Variants in MOK observed in about 807,000 individuals in gnomAD.
MOK encodes MAPK/MAK/MRK overlapping kinase.
MOK carries 59 observed loss-of-function variants against 54.2 expected under a neutral mutation model. That is an observed-to-expected ratio of 1.09 (90% CI 0.88 to 1.35). MOK has a LOEUF of 1.35. MOK is among the 40% of genes most tolerant of loss of function. The pLI, the probability that MOK is intolerant of heterozygous loss-of-function variation, is 0.00. For synonymous variants in MOK, 210 were observed against 202.7 expected (o/e 1.04, Z -0.31); for missense variants, 517 against 526.2 (o/e 0.98, Z 0.17).
the MOK span, chr14:102,214,731 G>A: frequency 1.0e-6 from 1 of 980,570 alleles, no homozygotes; most frequent in Non-Finnish European, 1.2e-6. Context: ...CCAATTTCTT[G>A]ACAACTTGAA....
intron 6 of MOK, 200 bp downstream of exon 6, chr14:102,251,556 C>T (rs1211931191): frequency 3.1e-6 from 2 of 652,090 alleles, no homozygotes; most frequent in South Asian, 3.0e-5. Context: ...TTATTTTCTT[C>T]CAGGTGCAGT....
intron 2 of MOK, among the ~76,000 whole-genome samples, chr14:102,267,824 G>A (rs2068037270): frequency 6.6e-6 from 1 of 152,122 alleles, no homozygotes; most frequent in Admixed American, 6.6e-5. Flanking sequence ...CACCATGCTG[G>A]AGCTGGGTCC....
At position 102,231,569 on chromosome 14, in the gene MOK, T is replaced by TGTTCA. The variant is rs527449829; in HGVS notation, c.981+137_981+138insTGAAC. 9.3e-5 allele frequency: 64 copies of TGTTCA among 690,710 alleles called. No individual in the cohort carries two copies. In the East Asian group the frequency reaches 1.1e-3, roughly 12 times the overall value. The allele number at this position is 690,710 out of a possible 1,614,324, so 42.8% of individuals were successfully genotyped here. On this transcript the variant is annotated intron_variant, in intron 10 of 11. Transcript: ENST00000361847. This position sits in a 1 kb window ranked among gnomAD's most constrained non-coding sequence, Gnocchi z 4.4. ...CAACACATGGAGCCATCAACTCGCATGCTGTTCAGGCCTCGACTGACAATG... is the reference window on the plus strand; with the variant it reads ...CAACACATGGAGCCATCAACTCGCATGTTCAGCTGTTCAGGCCTCGACTGACAATG...
At chr14:102,223,921 C>G (rs114881398), downstream of MOK, among the ~76,000 whole-genome samples, 197 of 152,282 alleles carry the variant, frequency 1.3e-3, no homozygotes, top group African/African-American at 4.5e-3. Flanking sequence ...GATCACGTTT[C>G]CATACAACTC....
At chr14:102,274,824 A>T (rs1045734510) in intron 2 of MOK, among the ~76,000 whole-genome samples, 2 of 151,840 alleles carry the variant, frequency 1.3e-5, no homozygotes, top group African/African-American at 4.8e-5. Flanking sequence ...AAGATACAAA[A>T]ATTAGCCAGG....
downstream of MOK, chr14:102,226,426 G>T (rs1188531950): frequency 1.4e-6 from 1 of 702,896 alleles, no homozygotes; most frequent in African/African-American, 1.7e-5. This position sits in a 1 kb window ranked among gnomAD's most constrained non-coding sequence, Gnocchi z 4.8. Context: ...GATAATTCAA[G>T]CGCTTCAATT....
At chr14:102,224,677 C>T (rs774605771), downstream of MOK, 6 of 455,860 alleles carry the variant, frequency 1.3e-5, no homozygotes, top group African/African-American at 2.0e-5. Flanking sequence ...CAGCTCAGCC[C>T]TCGGTTTAGT....
intron 2 of MOK, among the ~76,000 whole-genome samples, chr14:102,282,011 C>A (rs1251039771): frequency 6.6e-6 from 1 of 152,154 alleles, no homozygotes; most frequent in East Asian, 1.9e-4. Flanking sequence ...CTCTGCCCAC[C>A]CAGTAATCTA....
rs563605088 is a variant in MOK, at chr14:102,283,643, G to A, written c.8-51C>T. On this transcript the variant is annotated intron_variant, in intron 1 of 11. Transcript: ENST00000361847. ...TAAAATGTTATTTATGCATACACTT[G>A]TATTCACTTCCAGACAGCAAACTTT... 2.6e-6 allele frequency: 3 copies of A among 1,166,266 alleles called. No individual in the cohort carries two copies. In the South Asian group the frequency reaches 3.9e-5, roughly 15 times the overall value. 72.2% of individuals were successfully genotyped at this position (1,166,266 alleles called of 1,614,324 possible). A position where few individuals can be genotyped will look rare whatever the true frequency, so the allele number is the denominator to read the frequency against.
chr14:102,253,675 C>T (rs1484361469), intron 4 of MOK, among the ~76,000 whole-genome samples: 1 of 152,234 alleles, frequency 6.6e-6, no homozygotes, highest in African/African-American at 2.4e-5. Context: ...TTCTACCGTG[C>T]TTGAAGACGT....
chr14:102,281,069 A>C (rs2069368875), intron 2 of MOK, among the ~76,000 whole-genome samples: 1 of 152,156 alleles, frequency 6.6e-6, no homozygotes. Flanking sequence ...CACACCTGTA[A>C]TCCCTGCACT....
chr14:102,247,945 T>G (rs1433203518), intron 7 of MOK, among the ~76,000 whole-genome samples: 1 of 152,216 alleles, frequency 6.6e-6, no homozygotes. Context: ...ATTCAGCCCT[T>G]GTCTCCTACG....
At chr14:102,228,629 G>A (rs1168719267), downstream of MOK, among the ~76,000 whole-genome samples, 3 of 150,378 alleles carry the variant, frequency 2.0e-5, no homozygotes, top group African/African-American at 7.3e-5. Context: ...AACCCGGGAG[G>A]TGGAGGTTGC....
Position 102,230,741 on chromosome 14 carries a change from C to T in MOK, c.981+966G>A, listed in dbSNP as rs150027691. On this transcript the variant is annotated intron_variant, in intron 10 of 11. Transcript: ENST00000361847. The surrounding 1 kb of genome is among the most constrained non-coding windows in gnomAD (Gnocchi z 4.1). Reference sequence around the variant, plus strand: ...GAGGAGGATGTAGGAGGCAAGAAGGCGAAGCCCCTGTGGGATGAAGGAAGG... The same window carrying T: ...GAGGAGGATGTAGGAGGCAAGAAGGTGAAGCCCCTGTGGGATGAAGGAAGG... 1.7e-4 allele frequency: 26 copies of T among 152,988 alleles called. No individual in the cohort carries two copies. The highest frequency in any genetic ancestry group is 2.9e-4 in the Non-Finnish European group (20 of 68,518). 9.5% of individuals were successfully genotyped at this position (152,988 alleles called of 1,614,324 possible). A position where few individuals can be genotyped will look rare whatever the true frequency, so the allele number is the denominator to read the frequency against.
intron 2 of MOK, among the ~76,000 whole-genome samples, chr14:102,268,431 G>A (rs759351169): frequency 1.3e-4 from 19 of 151,824 alleles, no homozygotes; most frequent in Admixed American, 5.9e-4. Context: ...TTGGAGTTGC[G>A]TTGAATTTTG....
chr14:102,222,988 C>G, downstream of MOK: 4 of 1,371,970 alleles, frequency 2.9e-6, no homozygotes, highest in South Asian at 4.8e-5. The surrounding 1 kb of genome is among the most constrained non-coding windows in gnomAD (Gnocchi z 4.4). Flanking sequence ...GGACCTCAGG[C>G]GGTGGACGTC....
chr14:102,262,444 A>G (rs2067560360), intron 4 of MOK, among the ~76,000 whole-genome samples: 1 of 152,266 alleles, frequency 6.6e-6, no homozygotes, highest in African/African-American at 2.4e-5. Context: ...GGCATGAGCC[A>G]CTGCACCCAG....
chr14:102,259,597 T>C (rs2067225084), intron 4 of MOK, among the ~76,000 whole-genome samples: 1 of 152,182 alleles, frequency 6.6e-6, no homozygotes. Flanking sequence ...CACACAGGGT[T>C]GTCATGAGGC....
chr14:102,219,488 G>A, the MOK span, among the ~76,000 whole-genome samples: 1 of 152,248 alleles, frequency 6.6e-6, no homozygotes, highest in Non-Finnish European at 1.5e-5. Flanking sequence ...GCTTGTGCCT[G>A]CAGGACTGTC....
Sources: gnomAD v4.1 joint callset for allele counts (sites outside exome capture counted in the v4.1 genomes callset) on GRCh38, gnomAD v4.1.1 for gene constraint, Gnocchi (gnomAD v3.1) non-coding constraint, MANE v1.5 for transcripts, NCBI Gene and HGNC (gene_info 2026-07-23, HGNC 2026-07-21) for gene names.